SGCD: variants seen among roughly 807,000 people sequenced by gnomAD.
SGCD encodes the protein delta-sarcoglycan.
Under a neutral mutation model 36.6 loss-of-function variants are expected in SGCD, and 18 were observed. The observed-to-expected ratio is 0.49, with a 90% CI of 0.34 to 0.73. The LOEUF (loss-of-function observed/expected upper bound fraction) is 0.73, where lower values mean the gene tolerates loss of function less well. Ranked by LOEUF, SGCD falls within the 30% of genes least tolerant of loss-of-function variation. SGCD has a pLI of 0.01. For missense variants in SGCD, 387 were observed against 346.7 expected (o/e 1.12, Z -0.92); for synonymous variants, 133 against 130.6 (o/e 1.02, Z -0.12).
At chr5:156,571,600 C>T (rs919980896) in intron 4 of SGCD, among the ~76,000 whole-genome samples, 1 of 152,148 alleles carries the variant, frequency 6.6e-6, no homozygotes, top group Non-Finnish European at 1.5e-5. Flanking sequence ...TTAAGGTCCC[C>T]TCTAATTCAC....
At chr5:156,745,230 C>T (rs1489414742) in intron 7 of SGCD, among the ~76,000 whole-genome samples, 1 of 152,132 alleles carries the variant, frequency 6.6e-6, no homozygotes, top group Non-Finnish European at 1.5e-5. Context: ...CTGGCCCTTC[C>T]ACTCAGAGGA....
At chr5:155,893,355 G>T in intron 1 of SGCD, among the ~76,000 whole-genome samples, 1 of 152,156 alleles carries the variant, frequency 6.6e-6, no homozygotes, top group African/African-American at 2.4e-5. Flanking sequence ...TTGTCTGAAT[G>T]CCACCTATTG....
At chr5:156,756,842 T>TC (rs71723387) in intron 7 of SGCD, among the ~76,000 whole-genome samples, 12,663 of 152,174 alleles carry the variant, frequency 0.083, 868 homozygotes, top group African/African-American at 0.19. Context: ...CCACCTCCCC[T>TC]CCCAGCCCCT....
rs565525276 is a variant in SGCD at position 156,556,993 on chromosome 5, C to A, written c.295-32238C>A. ...CAGTGTGAGCTATAAGTGTACCTTG[C>A]TGTCTGTTCTTAATATCTTGTGCTT... On this transcript the variant is annotated intron_variant, in intron 4 of 8. Transcript: ENST00000337851. 3.9e-5 allele frequency among the ~76,000 whole-genome samples: 6 copies of A among 152,288 alleles called. No individual in the cohort carries two copies. The East Asian group carries it at 5.8e-4, about 15-fold the overall frequency.
intron 7 of SGCD, among the ~76,000 whole-genome samples, chr5:156,667,082 T>C (rs967066469): frequency 1.3e-5 from 2 of 152,228 alleles, no homozygotes; most frequent in East Asian, 1.9e-4. Flanking sequence ...GAAATACTCA[T>C]TGGAGCATTT....
At chr5:156,403,471 A>G (rs1772257830) in intron 3 of SGCD, among the ~76,000 whole-genome samples, 1 of 152,228 alleles carries the variant, frequency 6.6e-6, no homozygotes, top group Non-Finnish European at 1.5e-5. Context: ...ACAATTCCTC[A>G]TGTTTTCTGA....
chr5:155,972,518 T>C (rs1758026605), intron 1 of SGCD, among the ~76,000 whole-genome samples: 1 of 152,194 alleles, frequency 6.6e-6, no homozygotes, highest in African/African-American at 2.4e-5. Context: ...CCTTTAATAA[T>C]AGCCATTTCA....
intron 6 of SGCD, among the ~76,000 whole-genome samples, chr5:156,611,384 GT>G (rs1471133261): frequency 6.6e-6 from 1 of 151,970 alleles, no homozygotes. Context: ...GCTGAGTATT[GT>G]TTTTTTGGCT....
intron 3 of SGCD, among the ~76,000 whole-genome samples, chr5:156,500,099 A>G (rs1040961208): frequency 2.0e-5 from 3 of 152,142 alleles, no homozygotes; most frequent in African/African-American, 4.8e-5. Context: ...TATGCGTCCA[A>G]CCCCCCAATA....
chr5:156,130,677 T>C (rs1468986708), intron 3 of SGCD, among the ~76,000 whole-genome samples: 1 of 152,096 alleles, frequency 6.6e-6, no homozygotes, highest in Non-Finnish European at 1.5e-5. Flanking sequence ...TTAGGGACAG[T>C]GGTTGTTAAA....
intron 1 of SGCD, among the ~76,000 whole-genome samples, chr5:156,052,961 GC>G (rs1397287353): frequency 6.9e-6 from 1 of 145,836 alleles, no homozygotes. Flanking sequence ...AATGTGTTGT[GC>G]CCCCCTGGGG....
chr5:156,199,931 G>T (rs754085353), intron 3 of SGCD, among the ~76,000 whole-genome samples: 1 of 152,048 alleles, frequency 6.6e-6, no homozygotes, highest in South Asian at 2.1e-4. Flanking sequence ...CCTCAGGTTA[G>T]GAGTATATCA....
chr5:156,204,631 T>A (rs1314417017), intron 3 of SGCD, among the ~76,000 whole-genome samples: 1 of 152,104 alleles, frequency 6.6e-6, no homozygotes, highest in Non-Finnish European at 1.5e-5. Context: ...CAGCCTCACT[T>A]TCTTCATCTG....
At chr5:155,904,570 A>G (rs1340763253) in intron 1 of SGCD, among the ~76,000 whole-genome samples, 1 of 152,134 alleles carries the variant, frequency 6.6e-6, no homozygotes, top group Non-Finnish European at 1.5e-5. Context: ...ATTACGCCCT[A>G]AATGCTTATA....
chr5:156,093,426 C>G (rs554555632), intron 1 of SGCD, among the ~76,000 whole-genome samples: 1 of 152,296 alleles, frequency 6.6e-6, no homozygotes, highest in South Asian at 2.1e-4. Flanking sequence ...GTTCAGTAGT[C>G]TTGAATTCTT....
At chr5:155,854,833 T>C in the SGCD span, among the ~76,000 whole-genome samples, 16 of 152,312 alleles carry the variant, frequency 1.1e-4, no homozygotes, top group African/African-American at 3.4e-4. Context: ...TACCTGGTAA[T>C]GTACCAAAGC....
chr5:156,606,357 G>C (rs1284650286), intron 6 of SGCD, among the ~76,000 whole-genome samples: 2 of 152,138 alleles, frequency 1.3e-5, no homozygotes, highest in Non-Finnish European at 1.5e-5. Flanking sequence ...GATAGTTGTA[G>C]ATATGTGGCA....
At chr5:156,554,044 A>C (rs1758901661) in intron 4 of SGCD, among the ~76,000 whole-genome samples, 1 of 152,188 alleles carries the variant, frequency 6.6e-6, no homozygotes, top group Non-Finnish European at 1.5e-5. Flanking sequence ...GTCTGAAAAC[A>C]AGTGAGTGCA....
chr5:156,722,639 C>G (rs1186073815), intron 7 of SGCD, among the ~76,000 whole-genome samples: 1 of 152,214 alleles, frequency 6.6e-6, no homozygotes, highest in Non-Finnish European at 1.5e-5. Context: ...AATATAGAAT[C>G]TCAGAGAAAG....
Sources: allele counts gnomAD v4.1 joint callset (sites outside exome capture counted in the v4.1 genomes callset), GRCh38; gene constraint gnomAD v4.1.1; transcripts MANE v1.5; gene names NCBI Gene and HGNC (gene_info 2026-07-23, HGNC 2026-07-21).